CDH17: variants seen among roughly 807,000 people sequenced by gnomAD.
CDH17 encodes cadherin 17.
Under a neutral mutation model 86.3 loss-of-function variants are expected in CDH17, and 67 were observed. The ratio of observed to expected loss-of-function variants is 0.78; its 90% CI spans 0.64 to 0.95. The LOEUF is 0.95. Ranked by LOEUF, CDH17 falls within the 40% of genes least tolerant of loss-of-function variation. CDH17 has a pLI of 0.00. For missense variants in CDH17, 993 were observed against 1,017.6 expected (o/e 0.98, Z 0.33); for synonymous variants, 367 against 366.4 (o/e 1.00, Z -0.02).
At chr8:94,199,168 ATCAGGTCTCTTCATAC>A (rs1367558052) in intron 1 of CDH17, among the ~76,000 whole-genome samples, 4 of 149,676 alleles carry the variant, frequency 2.7e-5, no homozygotes, top group Admixed American at 6.7e-5. Flanking sequence ...TTTTTAACTT[ATCAGGTCTCTTCATAC>A]TATCCCTTGC....
At chr8:94,164,276 C>T (rs183345252) in intron 10 of CDH17, among the ~76,000 whole-genome samples, 1 of 152,288 alleles carries the variant, frequency 6.6e-6, no homozygotes, top group Admixed American at 6.5e-5. Context: ...CACTGAGTCA[C>T]TTATTTCCTT....
chr8:94,166,555 G>C (rs1411413820), intron 9 of CDH17, among the ~76,000 whole-genome samples: 2 of 152,100 alleles, frequency 1.3e-5, no homozygotes, highest in South Asian at 2.1e-4. Context: ...ATATAATTTG[G>C]GGGGCACGGG....
At chr8:94,211,017 T>C (rs1332782944), upstream of CDH17, among the ~76,000 whole-genome samples, 1 of 116,634 alleles carries the variant, frequency 8.6e-6, no homozygotes, top group African/African-American at 4.0e-5. Context: ...CAAGACTGCA[T>C]CTCAAAAAAA....
chr8:94,160,196 G>A, intron 11 of CDH17, 34 bp from the exon 12 acceptor site: 2 of 1,530,104 alleles, frequency 1.3e-6, no homozygotes, highest in South Asian at 1.2e-5. Context: ...ACAATGAGAA[G>A]GTCTGCTGTC....
upstream of CDH17, among the ~76,000 whole-genome samples, chr8:94,211,116 A>G (rs1400420408): frequency 6.6e-6 from 1 of 151,994 alleles, no homozygotes; most frequent in Non-Finnish European, 1.5e-5. Flanking sequence ...AAACATTTCA[A>G]CGCTTTTGTC....
At chr8:94,133,708 G>A (rs1416203248) in intron 15 of CDH17, among the ~76,000 whole-genome samples, 2 of 152,202 alleles carry the variant, frequency 1.3e-5, no homozygotes, top group African/African-American at 4.8e-5. Context: ...AATAGGAGTG[G>A]TGAGAGAGGG....
upstream of CDH17, among the ~76,000 whole-genome samples, chr8:94,210,120 C>T (rs908417444): frequency 6.7e-6 from 1 of 149,588 alleles, no homozygotes; most frequent in Non-Finnish European, 1.5e-5. Flanking sequence ...GTCACACAGC[C>T]TTTGACTACA....
At chr8:94,200,618 G>T (rs1813893306) in intron 1 of CDH17, among the ~76,000 whole-genome samples, 1 of 125,324 alleles carries the variant, frequency 8.0e-6, no homozygotes. Context: ...AACTGTGGCT[G>T]CCCCTCACCC....
intron 15 of CDH17, among the ~76,000 whole-genome samples, chr8:94,141,303 G>T (rs1812634001): frequency 6.7e-6 from 1 of 149,606 alleles, no homozygotes; most frequent in African/African-American, 2.4e-5. Context: ...AGGAATAAAA[G>T]GCAAAGTCCT....
chr8:94,177,652 G>A lies in CDH17; in HGVS notation c.220C>T (p.Arg74Trp), dbSNP rs569997084. 5.8e-5 allele frequency: 93 copies of A among 1,613,460 alleles called. No homozygotes were observed. Among genetic ancestry groups the A allele is most frequent in the South Asian group, 5.4e-4 (49 of 91,062 alleles). Residue 74 changes from arginine (R) to tryptophan (W), a missense_variant, in exon 4 of 18, where the codon CGG becomes TGG. Physicochemically the swap from Arg to Trp is moderately radical, Grantham distance 101. Coordinates refer to ENST00000027335, the MANE Select transcript of CDH17 (RefSeq NM_004063.4). ...CTGTTGTAATACAGAAGTCCCTCCC[G>A]TTCTATCACAAATATGTTGTCTGTC... ...GETDNIFVIEREGLLYYNRAL... is the reference protein window; with the variant it reads ...GETDNIFVIEWEGLLYYNRAL...
intron 1 of CDH17, among the ~76,000 whole-genome samples, chr8:94,205,907 C>T (rs1416968696): frequency 6.6e-6 from 1 of 152,112 alleles, no homozygotes; most frequent in African/African-American, 2.4e-5. Context: ...TGCTAGATGG[C>T]CTCTTGGTGA....
Position 94,167,340 on chromosome 8 carries a change from G to A in CDH17, c.1067-1364C>T, listed in dbSNP as rs565470490. Among the ~76,000 whole-genome samples, 55 of 152,136 alleles carry A rather than the reference G, an allele frequency of 3.6e-4. 1 individual carries two copies. Among genetic ancestry groups the A allele is most frequent in the Non-Finnish European group, 5.1e-4 (35 of 68,024 alleles). On this transcript the variant is annotated intron_variant, in intron 9 of 17. Transcript: ENST00000027335. ...TCTTTATATGTAGCAAGAATCCCAC[G>A]TAGGAGCTCAAACTTGAATTCATCC...
At chr8:94,135,730 T>A (rs1341181422) in intron 15 of CDH17, among the ~76,000 whole-genome samples, 5 of 152,210 alleles carry the variant, frequency 3.3e-5, no homozygotes, top group Admixed American at 3.3e-4. Flanking sequence ...TGTTAATTGA[T>A]ATAGTTTCTT....
intron 15 of CDH17, among the ~76,000 whole-genome samples, chr8:94,140,022 A>C (rs1225707040): frequency 6.6e-6 from 1 of 152,244 alleles, no homozygotes; most frequent in East Asian, 1.9e-4. Context: ...TAGAAGTTAG[A>C]AAGGTATAAG....
chr8:94,145,070 G>A (rs1445928678), intron 15 of CDH17, among the ~76,000 whole-genome samples: 1 of 152,166 alleles, frequency 6.6e-6, no homozygotes, highest in Non-Finnish European at 1.5e-5. Context: ...AAAATGTTAA[G>A]AACAATTTGG....
intron 1 of CDH17, among the ~76,000 whole-genome samples, chr8:94,216,583 T>C (rs7010663): frequency 0.032 from 4,860 of 150,330 alleles, 278 homozygotes; most frequent in African/African-American, 0.11. Flanking sequence ...TTTTTTTAAT[T>C]CTCAGATCTT....
chr8:94,145,700 T>C (rs1812727747), intron 15 of CDH17, among the ~76,000 whole-genome samples: 1 of 151,832 alleles, frequency 6.6e-6, no homozygotes, highest in South Asian at 2.1e-4. Context: ...GTCATCCAAC[T>C]GTTCATCTAC....
chr8:94,141,373 A>G (rs1034152965), intron 15 of CDH17, among the ~76,000 whole-genome samples: 1 of 152,056 alleles, frequency 6.6e-6, no homozygotes, highest in Non-Finnish European at 1.5e-5. Context: ...TTTAATGGTG[A>G]AAGGCTAAAT....
At chr8:94,153,253 A>G (rs77417720) in intron 12 of CDH17, among the ~76,000 whole-genome samples, 3,439 of 152,318 alleles carry the variant, frequency 0.023, 126 homozygotes, top group African/African-American at 0.079. Context: ...ATAGCCAACA[A>G]GTATATGGAA....
Sources: gnomAD v4.1 joint callset for allele counts (sites outside exome capture counted in the v4.1 genomes callset) on GRCh38, gnomAD v4.1.1 for gene constraint, MANE v1.5 for transcripts, NCBI Gene and HGNC (gene_info 2026-07-23, HGNC 2026-07-21) for gene names.